Variants in ENTREP2 observed in about 807,000 individuals in gnomAD.
The protein encoded by ENTREP2 is endosomal transmembrane epsin interactor 2, also known as protein ENTREP2.
the ENTREP2 span, among the ~76,000 whole-genome samples, chr15:29,437,061 A>G: frequency 6.6e-6 from 1 of 152,234 alleles, no homozygotes; most frequent in Admixed American, 6.5e-5. Context: ...TAGACGTTAC[A>G]TTCCACTTCA....
the ENTREP2 span, among the ~76,000 whole-genome samples, chr15:29,530,331 A>G: frequency 6.6e-6 from 1 of 152,174 alleles, no homozygotes; most frequent in Non-Finnish European, 1.5e-5. Flanking sequence ...CCTATGGGGA[A>G]AAGTGGCCAG....
At chr15:29,134,179 T>C in the ENTREP2 span, among the ~76,000 whole-genome samples, 1 of 152,192 alleles carries the variant, frequency 6.6e-6, no homozygotes, top group Non-Finnish European at 1.5e-5. Flanking sequence ...ATTTTTATCA[T>C]AAATGGAAAA....
chr15:29,564,213 C>T, the ENTREP2 span, among the ~76,000 whole-genome samples: 1 of 152,138 alleles, frequency 6.6e-6, no homozygotes, highest in African/African-American at 2.4e-5. Context: ...CACTTGTTTC[C>T]CAGCATCAAG....
chr15:29,299,214 G>A, the ENTREP2 span, among the ~76,000 whole-genome samples: 1 of 152,138 alleles, frequency 6.6e-6, no homozygotes, highest in African/African-American at 2.4e-5. Flanking sequence ...TAGGAGTTTT[G>A]GCTACAGCTT....
the ENTREP2 span, among the ~76,000 whole-genome samples, chr15:29,403,040 T>C: frequency 3.3e-5 from 5 of 152,040 alleles, no homozygotes; most frequent in African/African-American, 1.2e-4. Flanking sequence ...CTGGAAACAA[T>C]GGCGGCCAGT....
At chr15:29,588,807 T>C in the ENTREP2 span, among the ~76,000 whole-genome samples, 1 of 151,762 alleles carries the variant, frequency 6.6e-6, no homozygotes, top group Non-Finnish European at 1.5e-5. Context: ...GGCAACATAA[T>C]GAAACCCTGT....
At chr15:29,666,483 C>T in the ENTREP2 span, among the ~76,000 whole-genome samples, 20 of 152,172 alleles carry the variant, frequency 1.3e-4, 1 homozygote, top group Admixed American at 6.5e-4. Context: ...CATGTCTCCC[C>T]CATTGTCTTC....
At chr15:29,324,609 A>G in the ENTREP2 span, among the ~76,000 whole-genome samples, 1 of 152,218 alleles carries the variant, frequency 6.6e-6, no homozygotes, top group African/African-American at 2.4e-5. Flanking sequence ...TGGAGTACCA[A>G]TATTAGTTTC....
the ENTREP2 span, among the ~76,000 whole-genome samples, chr15:29,639,200 T>C: frequency 3.3e-5 from 5 of 152,370 alleles, no homozygotes; most frequent in South Asian, 8.3e-4. Context: ...ATTCCATTTA[T>C]AGTCTGCACT....
chr15:29,356,268 GTATATATATA>G, the ENTREP2 span, among the ~76,000 whole-genome samples: 478 of 57,580 alleles, frequency 8.3e-3, 8 homozygotes, highest in Middle Eastern at 0.036. Flanking sequence ...GTGTGTGTGT[GTATATATATA>G]TATATATATA....
chr15:29,247,446 G>T, the ENTREP2 span, among the ~76,000 whole-genome samples: 3 of 152,146 alleles, frequency 2.0e-5, no homozygotes, highest in East Asian at 5.8e-4. Context: ...GTCCGGGATG[G>T]GGTAAGCGGT....
chr15:29,461,420 T>A, the ENTREP2 span, among the ~76,000 whole-genome samples: 1 of 152,202 alleles, frequency 6.6e-6, no homozygotes, highest in Non-Finnish European at 1.5e-5. Flanking sequence ...CATTTGATGG[T>A]GTTGATTTTT....
the ENTREP2 span, among the ~76,000 whole-genome samples, chr15:29,436,261 T>C: frequency 6.6e-6 from 1 of 152,338 alleles, no homozygotes; most frequent in Admixed American, 6.5e-5. Flanking sequence ...TTATCTTATA[T>C]GTTAGCAATA....
the ENTREP2 span, chr15:29,196,667 A>C: frequency 7.6e-7 from 1 of 1,321,480 alleles, no homozygotes. Context: ...GGCTCAGTTC[A>C]AAGGAGCCTG....
At chr15:29,136,900 T>C in the ENTREP2 span, 1 of 808,404 alleles carries the variant, frequency 1.2e-6, no homozygotes. Flanking sequence ...ACGCTGTATG[T>C]CTAAGACCCT....
chr15:29,613,380 G>C, the ENTREP2 span: 1 of 409,012 alleles, frequency 2.4e-6, no homozygotes, highest in Non-Finnish European at 5.0e-6. Context: ...TCCTGGATAT[G>C]TGCAGAAGGA....
the ENTREP2 span, among the ~76,000 whole-genome samples, chr15:29,425,319 G>A: frequency 6.6e-6 from 1 of 152,004 alleles, no homozygotes; most frequent in Admixed American, 6.5e-5. Context: ...ATTACAGGCT[G>A]AGCCACCACG....
chr15:29,335,308 T>G, the ENTREP2 span, among the ~76,000 whole-genome samples: 5 of 152,206 alleles, frequency 3.3e-5, no homozygotes, highest in African/African-American at 1.2e-4. Context: ...AAAGATGCTT[T>G]TTAACAAGTA....
the ENTREP2 span, among the ~76,000 whole-genome samples, chr15:29,136,821 G>C: frequency 6.6e-6 from 1 of 152,178 alleles, no homozygotes; most frequent in African/African-American, 2.4e-5. Flanking sequence ...CACGTCATGA[G>C]AACTTAAGGC....
Sources: gnomAD v4.1 joint callset for allele counts (sites outside exome capture counted in the v4.1 genomes callset) on GRCh38, gnomAD v4.1.1 for gene constraint, MANE v1.5 for transcripts, NCBI Gene and HGNC (gene_info 2026-07-23, HGNC 2026-07-21) for gene names.